SLC20A1: variants seen among roughly 807,000 people sequenced by gnomAD.
SLC20A1 encodes solute carrier family 20 member 1, also known as sodium-dependent phosphate transporter 1.
A neutral mutation model predicts 62.7 loss-of-function variants in SLC20A1; 28 were observed. The ratio of observed to expected loss-of-function variants is 0.45; its 90% CI spans 0.33 to 0.61. SLC20A1 has a LOEUF of 0.61. Ranked by LOEUF, SLC20A1 falls within the 20% of genes least tolerant of loss-of-function variation. The pLI, the probability that SLC20A1 is intolerant of heterozygous loss-of-function variation, is 0.02. For missense variants in SLC20A1, 673 were observed against 838.6 expected (o/e 0.80, Z 2.44); for synonymous variants, 305 against 302.9 (o/e 1.01, Z -0.07).
At position 112,646,753 on chromosome 2, in the gene SLC20A1, T is replaced by G; in HGVS notation, c.-76T>G. The G allele has an allele frequency of 2.4e-6, 2 of 833,640 alleles. No individual in the cohort carries two copies. Among genetic ancestry groups the G allele is most frequent in the Non-Finnish European group, 3.7e-6 (2 of 535,016 alleles). 51.6% of individuals were successfully genotyped at this position (833,640 alleles called of 1,614,324 possible). On this transcript the variant is annotated 5_prime_UTR_variant, in exon 2 of 11. Coordinates refer to ENST00000272542, the MANE Select transcript of SLC20A1 (RefSeq NM_005415.5). ...TATATATTATTTATTATAGCATTTT[T>G]GATACCTCATATTCTGTTTACACAT... is the stretch of plus-strand genomic sequence containing the variant.
intron 4 of SLC20A1, among the ~76,000 whole-genome samples, chr2:112,649,471 T>G (rs1206479608): frequency 1.3e-5 from 2 of 152,240 alleles, no homozygotes; most frequent in Non-Finnish European, 2.9e-5. Flanking sequence ...CTGGTAAGCT[T>G]TTGGTATCTT....
intron 6 of SLC20A1, 145 bp downstream of exon 6, chr2:112,657,386 A>C: frequency 1.2e-6 from 1 of 858,068 alleles, no homozygotes; most frequent in African/African-American, 1.7e-5. Context: ...TGTTGTCCAA[A>C]CTGTTTTTAG....
chr2:112,647,234 G>A (rs1307496912), intron 2 of SLC20A1, 72 bp downstream of exon 2: 3 of 1,581,336 alleles, frequency 1.9e-6, no homozygotes, highest in Non-Finnish European at 8.6e-7. Context: ...TTCCATTTTT[G>A]TGCATAACCT....
chr2:112,658,797 CA>C (rs1480887262), intron 6 of SLC20A1, 27 bp from the exon 7 acceptor site: 4 of 1,573,778 alleles, frequency 2.5e-6, no homozygotes, highest in East Asian at 2.2e-5. Context: ...ACAACCAAAC[CA>C]AAAAAGACCC....
chr2:112,654,030 G>A (rs6756045), intron 5 of SLC20A1, among the ~76,000 whole-genome samples: 2,444 of 152,142 alleles, frequency 0.016, 66 homozygotes, highest in African/African-American at 0.056. Context: ...GACCTCAGGT[G>A]GTCCGCCTGC....
chr2:112,659,835 GT>G, intron 8 of SLC20A1, 73 bp downstream of exon 8: 1 of 1,326,244 alleles, frequency 7.5e-7, no homozygotes, highest in East Asian at 2.3e-5. Flanking sequence ...GCCTGTGCTT[GT>G]GGTAGTGGTA....
At chr2:112,658,618 CAT>C (rs1463634248) in intron 6 of SLC20A1, 1 of 546,496 alleles carries the variant, frequency 1.8e-6, no homozygotes, top group African/African-American at 1.9e-5. Context: ...GGACCCCTGA[CAT>C]AGGGTGTTCT....
intron 10 of SLC20A1, among the ~76,000 whole-genome samples, chr2:112,662,317 C>T (rs1047989619): frequency 3.9e-5 from 6 of 152,258 alleles, no homozygotes; most frequent in African/African-American, 1.4e-4. Flanking sequence ...TGCAGTGGCT[C>T]ATGCCTGTAA....
chr2:112,652,825 G>A, intron 5 of SLC20A1, 27 bp downstream of exon 5: 1 of 1,606,144 alleles, frequency 6.2e-7, no homozygotes, highest in Non-Finnish European at 8.5e-7. Context: ...ATATTTAAAT[G>A]TGAATTTAAA....
intron 6 of SLC20A1, 38 bp from the exon 7 acceptor site, chr2:112,658,787 A>C: frequency 6.4e-7 from 1 of 1,563,496 alleles, no homozygotes; most frequent in Non-Finnish European, 8.6e-7. Context: ...TAGTATGGCC[A>C]CAACCAAACC....
rs367940908 is a variant in SLC20A1, at chr2:112,657,167, C to T, written c.704C>T (p.Ser235Leu). The T allele has an allele frequency of 9.1e-5, 147 of 1,613,844 alleles. No individual in the cohort carries two copies. In the African/African-American group the frequency reaches 1.0e-3, roughly 11 times the overall value. The stretch of plus-strand genomic sequence containing the variant: ...CCTCTGTGGGGTACCATCCTCATCT[C>T]GGTGGGATGTGCAGTTTTCTGTGCC... The part of the protein sequence containing the change: ...KLPLWGTILI[S>L]VGCAVFCALI... Residue 235 changes from serine (S) to leucine (L), a missense_variant, in exon 6 of 11, where the codon TCG becomes TTG. Physicochemically the swap from Ser to Leu is moderately radical, Grantham distance 145. Transcript: ENST00000272542.
At chr2:112,657,092 G>A (rs371055700) in intron 5 of SLC20A1, 30 bp from the exon 6 acceptor site, 1 of 1,613,670 alleles carries the variant, frequency 6.2e-7, no homozygotes, top group Non-Finnish European at 8.5e-7. Flanking sequence ...TTGCCCTGGG[G>A]TTTTCAAGAT....
chr2:112,647,252 TA>T, intron 2 of SLC20A1, 71 bp from the exon 3 acceptor site: 1 of 1,586,840 alleles, frequency 6.3e-7, no homozygotes, highest in East Asian at 2.2e-5. Flanking sequence ...CCTTTCCGAT[TA>T]ACCTTTCTGA....
chr2:112,656,350 C>G (rs187298297), intron 5 of SLC20A1, among the ~76,000 whole-genome samples: 1 of 152,004 alleles, frequency 6.6e-6, no homozygotes, highest in African/African-American at 2.4e-5. Context: ...GCGCCCACCA[C>G]CATGCCCGGC....
At chr2:112,661,278 GT>G in intron 10 of SLC20A1, 52 bp downstream of exon 10, 1 of 1,391,816 alleles carries the variant, frequency 7.2e-7, no homozygotes, top group Non-Finnish European at 1.0e-6. Flanking sequence ...AATATGTAGG[GT>G]TTTTAGTTTT....
intron 5 of SLC20A1, among the ~76,000 whole-genome samples, chr2:112,655,518 T>A (rs1412131235): frequency 1.2e-5 from 1 of 84,758 alleles, no homozygotes; most frequent in African/African-American, 4.0e-5. Flanking sequence ...TAATATCTTT[T>A]ATGGGTTTTT....
chr2:112,652,969 A>G (rs1224100579), intron 5 of SLC20A1, 171 bp downstream of exon 5: 2 of 1,543,070 alleles, frequency 1.3e-6, no homozygotes, highest in Admixed American at 2.0e-5. Context: ...TAACCTAGAT[A>G]GTTTTTCAAC....
chr2:112,662,537 G>A lies in SLC20A1; in HGVS notation c.1879-327G>A, dbSNP rs183465775. Among the ~76,000 whole-genome samples, 9 of 152,290 alleles carry A rather than the reference G, an allele frequency of 5.9e-5. No homozygotes were observed. In the East Asian group the frequency reaches 7.7e-4, roughly 13 times the overall value. ...GGAGGTTGCAGTGAGCCAAGATTGC[G>A]CCACTGTACTCCAGCCTGGGCGACA... On this transcript the variant is annotated intron_variant, in intron 10 of 10. Coordinates refer to ENST00000272542, the MANE Select transcript of SLC20A1 (RefSeq NM_005415.5).
At chr2:112,653,110 CT>C in intron 5 of SLC20A1, 1 of 457,366 alleles carries the variant, frequency 2.2e-6, no homozygotes, top group Non-Finnish European at 4.0e-6. Flanking sequence ...TAATACTGAC[CT>C]CAACTACTGA....
Sources: allele counts gnomAD v4.1 joint callset (sites outside exome capture counted in the v4.1 genomes callset), GRCh38; gene constraint gnomAD v4.1.1; transcripts MANE v1.5; gene names NCBI Gene and HGNC (gene_info 2026-07-23, HGNC 2026-07-21).